Variants in ATP8B4 observed in about 807,000 individuals in gnomAD.
The protein encoded by ATP8B4 is probable phospholipid-transporting ATPase IM.
ATP8B4 carries 133 observed loss-of-function variants against 145.6 expected under a neutral mutation model. The observed-to-expected ratio is 0.91, with a 90% CI of 0.79 to 1.05. The LOEUF is 1.05. Ranked by LOEUF, ATP8B4 falls within the 50% of genes least tolerant of loss-of-function variation. The pLI is 0.00. For missense variants in ATP8B4, 1,458 were observed against 1,425.2 expected (o/e 1.02, Z -0.37); for synonymous variants, 507 against 492.9 (o/e 1.03, Z -0.38).
intron 10 of ATP8B4, 120 bp from the exon 11 acceptor site, chr15:49,981,414 T>C (rs2046144247): frequency 1.3e-6 from 1 of 774,352 alleles, no homozygotes; most frequent in South Asian, 2.0e-5. Context: ...ATTTAACTTT[T>C]ATTAAGAGCA....
At chr15:50,028,946 C>A (rs569114327) in intron 6 of ATP8B4, among the ~76,000 whole-genome samples, 1 of 151,998 alleles carries the variant, frequency 6.6e-6, no homozygotes, top group Non-Finnish European at 1.5e-5. Context: ...TGCTTTAAAA[C>A]AACTTTGGCC....
intron 8 of ATP8B4, among the ~76,000 whole-genome samples, chr15:50,001,076 G>A (rs548044431): frequency 6.6e-6 from 1 of 151,262 alleles, no homozygotes; most frequent in African/African-American, 2.4e-5. Context: ...TCTTTTATCA[G>A]TATTCTTAGA....
intron 1 of ATP8B4, among the ~76,000 whole-genome samples, chr15:50,111,631 C>T (rs751836363): frequency 6.6e-6 from 1 of 152,188 alleles, no homozygotes; most frequent in African/African-American, 2.4e-5. Flanking sequence ...GGGCCACACG[C>T]CCTGTTCTTG....
intron 23 of ATP8B4, among the ~76,000 whole-genome samples, chr15:49,890,942 G>T (rs1244654582): frequency 6.6e-6 from 1 of 152,146 alleles, no homozygotes; most frequent in Non-Finnish European, 1.5e-5. Flanking sequence ...CAGGCTTCTT[G>T]CTATAGACAA....
chr15:49,992,506 T>C (rs183201787), intron 9 of ATP8B4, among the ~76,000 whole-genome samples: 156 of 152,270 alleles, frequency 1.0e-3, no homozygotes, highest in Non-Finnish European at 1.8e-3. Context: ...TGAATATAGA[T>C]GCAAAAGTGA....
chr15:50,015,924 C>T (rs1443886758), intron 6 of ATP8B4, among the ~76,000 whole-genome samples: 1 of 152,196 alleles, frequency 6.6e-6, no homozygotes. Flanking sequence ...TGAAGATGCT[C>T]TCTCACCAAT....
intron 3 of ATP8B4, among the ~76,000 whole-genome samples, chr15:50,068,485 CTCTT>C (rs1445732484): frequency 2.0e-5 from 3 of 152,118 alleles, no homozygotes; most frequent in African/African-American, 7.2e-5. Flanking sequence ...TTAGGTGGGA[CTCTT>C]TCTTTCTAAG....
At chr15:50,120,313 T>G (rs771213542), upstream of ATP8B4, among the ~76,000 whole-genome samples, 8 of 152,184 alleles carry the variant, frequency 5.3e-5, no homozygotes, top group Non-Finnish European at 1.0e-4. Context: ...GAGATGGCTT[T>G]CTTTCTTACA....
At chr15:50,160,966 G>A (rs2044509401) in intron 1 of ATP8B4, among the ~76,000 whole-genome samples, 1 of 152,026 alleles carries the variant, frequency 6.6e-6, no homozygotes, top group Non-Finnish European at 1.5e-5. Context: ...CTGAAAACAT[G>A]GTGTTGAAGT....
intron 13 of ATP8B4, among the ~76,000 whole-genome samples, 196 bp from the exon 14 acceptor site, chr15:49,962,216 G>A (rs79994485): frequency 0.08 from 12,247 of 152,210 alleles, 745 homozygotes; most frequent in East Asian, 0.3. Flanking sequence ...AGACATTCGT[G>A]TTTGCCCAAG....
intron 15 of ATP8B4, 143 bp downstream of exon 15, chr15:49,933,874 T>A: frequency 1.2e-6 from 1 of 811,056 alleles, no homozygotes. Flanking sequence ...AAATTTAACA[T>A]CAGTTTCTGT....
intron 1 of ATP8B4, among the ~76,000 whole-genome samples, chr15:50,149,563 A>T (rs1249852514): frequency 6.6e-6 from 1 of 152,150 alleles, no homozygotes; most frequent in Non-Finnish European, 1.5e-5. Flanking sequence ...TAACCACAAT[A>T]ATAATAATGA....
chr15:49,958,245 C>T (rs1052103238), intron 14 of ATP8B4, among the ~76,000 whole-genome samples: 2 of 150,590 alleles, frequency 1.3e-5, no homozygotes, highest in Non-Finnish European at 3.0e-5. Flanking sequence ...AAACTACATG[C>T]CAAAATATAT....
chr15:49,881,151 G>T lies in ATP8B4; in HGVS notation c.2698-1692C>A, dbSNP rs145066465. Among the ~76,000 whole-genome samples the T allele has an allele frequency of 1.9e-3, 290 of 151,534 alleles. 6 individuals are homozygous for T. In the East Asian group the frequency reaches 0.03, roughly 15 times the overall value. ...AACAAACAAAAAAAAGCCTTGATTT[G>T]TAGCATTTGCCAATTTCCATGGTAT... On this transcript the variant is annotated intron_variant, in intron 23 of 27. Transcript: ENST00000284509.
rs116056158 is a variant in ATP8B4 at position 49,906,024 on chromosome 15, T to C, written c.2142-4785A>G. On this transcript the variant is annotated intron_variant, in intron 20 of 27. Transcript: ENST00000284509. ...AAGAGAGATCACATTACGCATGATGTTTTGTAGTCTCATTTATCATTTAAC... is the reference window on the plus strand; with the variant it reads ...AAGAGAGATCACATTACGCATGATGCTTTGTAGTCTCATTTATCATTTAAC... Among the ~76,000 whole-genome samples, 451 of 152,284 alleles carry C rather than the reference T, an allele frequency of 3.0e-3. 2 individuals are homozygous for C. The highest frequency in any genetic ancestry group is 0.01 in the African/African-American group (432 of 41,550).
intron 4 of ATP8B4, among the ~76,000 whole-genome samples, chr15:50,046,683 A>G (rs1208430458): frequency 6.6e-6 from 1 of 152,240 alleles, no homozygotes; most frequent in East Asian, 1.9e-4. Flanking sequence ...ATACTAGGTA[A>G]ATAACTGGCT....
At chr15:50,075,303 T>C (rs1402294211) in intron 2 of ATP8B4, among the ~76,000 whole-genome samples, 1 of 149,218 alleles carries the variant, frequency 6.7e-6, no homozygotes, top group Non-Finnish European at 1.5e-5. Context: ...AAGGAAGGAA[T>C]ATATTTCAGC....
At chr15:49,924,194 C>T (rs764113104) in intron 16 of ATP8B4, among the ~76,000 whole-genome samples, 2 of 152,108 alleles carry the variant, frequency 1.3e-5, no homozygotes, top group Non-Finnish European at 2.9e-5. Flanking sequence ...CAACTCCATT[C>T]CCACCGACAA....
At chr15:50,111,407 T>C (rs1172912340) in intron 1 of ATP8B4, among the ~76,000 whole-genome samples, 1 of 152,248 alleles carries the variant, frequency 6.6e-6, no homozygotes, top group African/African-American at 2.4e-5. Context: ...TAATAAATTG[T>C]CATTCTTATT....
Sources: gnomAD v4.1 joint callset for allele counts (sites outside exome capture counted in the v4.1 genomes callset) on GRCh38, gnomAD v4.1.1 for gene constraint, MANE v1.5 for transcripts, NCBI Gene and HGNC (gene_info 2026-07-23, HGNC 2026-07-21) for gene names.